Variants in TRIOBP observed in about 807,000 individuals in gnomAD.
TRIOBP encodes TRIO and F-actin binding protein.
TRIOBP carries 169 observed loss-of-function variants against 238.8 expected under a neutral mutation model. The ratio of observed to expected loss-of-function variants is 0.71; its 90% CI spans 0.62 to 0.80. The LOEUF is 0.80. Ranked by LOEUF, TRIOBP falls within the 30% of genes least tolerant of loss-of-function variation. The pLI, the probability that TRIOBP is intolerant of heterozygous loss-of-function variation, is 0.00. For missense variants in TRIOBP, 2,838 were observed against 3,122.6 expected (o/e 0.91, Z 2.17); for synonymous variants, 1,150 against 1,274.4 (o/e 0.90, Z 2.08).
chr22:37,705,858 G>GAGCCACCTCGCCCGGCCA (rs1162457193), intron 3 of TRIOBP, among the ~76,000 whole-genome samples: 3 of 152,136 alleles, frequency 2.0e-5, no homozygotes, highest in Non-Finnish European at 2.9e-5. Flanking sequence ...TTACAAGTGT[G>GAGCCACCTCGCCCGGCCA]AGCCACCTCG....
chr22:37,722,656 G>A (rs1923895619), intron 6 of TRIOBP, among the ~76,000 whole-genome samples: 1 of 152,180 alleles, frequency 6.6e-6, no homozygotes. Flanking sequence ...GAACCTGGGA[G>A]GCGGAGGTTG....
rs142929031 is a variant in TRIOBP at position 37,754,913 on chromosome 22, C to G, written c.5416C>G (p.Gln1806Glu). ...CTCGCTCACCACCACCTCTACTTCG[C>G]AGTGGAAGAAACATTGGTTTGTGCT... ...SPSLTTTSTS[Q>E]WKKHWFVLTD... The change falls in exon 13 of 24, where the codon CAG becomes GAG. Residue 1806 changes from glutamine to glutamate, a missense_variant. By Grantham distance (29) the Gln-to-Glu change is conservative (BLOSUM62 2). Transcript: ENST00000644935. 91 of 1,614,040 alleles carry G rather than the reference C, an allele frequency of 5.6e-5. No individual in the cohort carries two copies. The highest frequency in any genetic ancestry group is 7.5e-5 in the Non-Finnish European group (89 of 1,180,038).
rs1410066126 is a variant in TRIOBP at position 37,768,251 on chromosome 22, G to A, written c.6575+75G>A. The A allele has an allele frequency of 9.7e-6, 12 of 1,243,146 alleles. No individual in the cohort carries two copies. In the African/African-American group the frequency reaches 1.0e-4, roughly 11 times the overall value. 77.0% of individuals were successfully genotyped at this position (1,243,146 alleles called of 1,614,324 possible). A position where few individuals can be genotyped will look rare whatever the true frequency, so the allele number is the denominator to read the frequency against. On this transcript the variant is annotated intron_variant, in intron 19 of 23. Transcript: ENST00000644935. ...GGAACTTTGCTGAGGCCCCTTGGCAGCGGACACATCAGTTTGCCCCTAGCT... is the reference window on the plus strand; with the variant it reads ...GGAACTTTGCTGAGGCCCCTTGGCAACGGACACATCAGTTTGCCCCTAGCT...
At chr22:37,743,284 C>T (rs1925030944) in intron 11 of TRIOBP, among the ~76,000 whole-genome samples, 1 of 152,220 alleles carries the variant, frequency 6.6e-6, no homozygotes, top group Admixed American at 6.5e-5. Context: ...GCCAGAAAGC[C>T]TGGAGTCGAG....
At chr22:37,717,592 C>G (rs1341729990) in intron 6 of TRIOBP, among the ~76,000 whole-genome samples, 5 of 152,204 alleles carry the variant, frequency 3.3e-5, no homozygotes, top group Non-Finnish European at 7.3e-5. Flanking sequence ...AAGTCCCCAA[C>G]AGAGTAGCTA....
intron 14 of TRIOBP, 73 bp from the exon 15 acceptor site, chr22:37,755,477 C>T (rs1601657002): frequency 2.9e-6 from 4 of 1,392,992 alleles, no homozygotes; most frequent in African/African-American, 2.8e-5. Context: ...GGGCCACCCT[C>T]CCTGGGGTCC....
intron 5 of TRIOBP, among the ~76,000 whole-genome samples, chr22:37,714,564 G>A (rs1015659893): frequency 6.6e-6 from 1 of 152,078 alleles, no homozygotes; most frequent in African/African-American, 2.4e-5. Context: ...AGCTACTTGG[G>A]AGGCTGAGAC....
intron 17 of TRIOBP, among the ~76,000 whole-genome samples, chr22:37,761,368 C>G (rs555324016): frequency 1.3e-5 from 2 of 152,080 alleles, no homozygotes; most frequent in South Asian, 4.1e-4. Context: ...GCAGGAGAAT[C>G]GCTTGAACCC....
At chr22:37,731,839 C>T (rs1778967592) in intron 7 of TRIOBP, among the ~76,000 whole-genome samples, 1 of 152,244 alleles carries the variant, frequency 6.6e-6, no homozygotes, top group African/African-American at 2.4e-5. Context: ...ATCCGCCTGC[C>T]TCAGCCTCCC....
At chr22:37,749,814 G>T (rs1330759289) in intron 11 of TRIOBP, among the ~76,000 whole-genome samples, 2 of 150,598 alleles carry the variant, frequency 1.3e-5, no homozygotes, top group Non-Finnish European at 2.9e-5. Context: ...AATTAGCTGA[G>T]CATGGTGGAG....
chr22:37,763,531 C>T lies in TRIOBP; in HGVS notation c.6325-2139C>T, dbSNP rs560637223. Among the ~76,000 whole-genome samples, 49 of 152,216 alleles carry T rather than the reference C, an allele frequency of 3.2e-4. 1 individual carries two copies. The highest frequency in any genetic ancestry group is 1.2e-3 in the African/African-American group (48 of 41,516). ...GTGGCCTTTGCGTGGGGGAGACAGT[C>T]CCTCATCTGGTCCTCTGTGCCTTAG... On this transcript the variant is annotated intron_variant, in intron 17 of 23. Coordinates refer to ENST00000644935, the MANE Select transcript of TRIOBP (RefSeq NM_001039141.3).
chr22:37,726,532 G>A (rs1924176807), intron 7 of TRIOBP, 29 bp downstream of exon 7: 2 of 1,442,556 alleles, frequency 1.4e-6, no homozygotes, highest in Non-Finnish European at 1.8e-6. Context: ...TCAGCCAGGT[G>A]GGCTGGGGAG....
At chr22:37,722,804 G>A (rs550643649) in intron 6 of TRIOBP, among the ~76,000 whole-genome samples, 1 of 152,356 alleles carries the variant, frequency 6.6e-6, no homozygotes, top group East Asian at 1.9e-4. Context: ...AGGGAAGACT[G>A]TCAGGTGGCT....
In TRIOBP at chr22:37,765,657, G is replaced by T. The variant is rs1168524561; in HGVS notation, c.6325-13G>T. Reference sequence around the variant, plus strand: ...ACGGGGCAGCCTGTGACACCCTGGCGTCCGGCCCACAGGAGGCATGTGAGC... The same window carrying T: ...ACGGGGCAGCCTGTGACACCCTGGCTTCCGGCCCACAGGAGGCATGTGAGC... On this transcript the variant is annotated splice_polypyrimidine_tract_variant and intron_variant, in intron 17 of 23. Coordinates refer to ENST00000644935, the MANE Select transcript of TRIOBP (RefSeq NM_001039141.3). 4 of 1,549,260 alleles carry T rather than the reference G, an allele frequency of 2.6e-6. No homozygotes were observed. Among genetic ancestry groups the T allele is most frequent in the South Asian group, 1.2e-5 (1 of 83,986 alleles).
chr22:37,717,076 T>C (rs1003170221), intron 6 of TRIOBP, among the ~76,000 whole-genome samples: 5 of 152,174 alleles, frequency 3.3e-5, no homozygotes, highest in Non-Finnish European at 7.3e-5. Flanking sequence ...GTTTGTTCCT[T>C]CTGATGTTCG....
intron 6 of TRIOBP, among the ~76,000 whole-genome samples, chr22:37,722,396 C>G (rs946368434): frequency 8.2e-5 from 12 of 146,186 alleles, no homozygotes; most frequent in African/African-American, 2.3e-4. Flanking sequence ...TCATTGCACT[C>G]TAGCCTGGGT....
At position 37,717,249 on chromosome 22, in the gene TRIOBP, C is replaced by G. The variant is rs149916117; in HGVS notation, c.628+1315C>G. On this transcript the variant is annotated intron_variant, in intron 6 of 23. Transcript: ENST00000644935. ...GGTCTGGATGGCTTCAGGAGTGAAG[C>G]TGCAGACCTTCGTGGTGAGCGTTAC... Among the ~76,000 whole-genome samples the G allele has an allele frequency of 6.5e-3, 991 of 152,270 alleles. 15 individuals are homozygous for G. The highest frequency in any genetic ancestry group is 0.022 in the African/African-American group (902 of 41,536).
rs773466557 is a variant in TRIOBP at position 37,723,545 on chromosome 22, C to T, written c.989C>T (p.Pro330Leu). 7 of 1,613,458 alleles carry T rather than the reference C, an allele frequency of 4.3e-6. No individual in the cohort carries two copies. The African/African-American group carries it at 8.0e-5, about 19-fold the overall frequency. ...PRASSTQEDT[P>L]RASSTQWNTP... ...GCCTCATCCACCCAAGAGGACACCC[C>T]CAGGGCCTCATCTACACAGTGGAAC... Residue 330 changes from proline to leucine, a missense_variant, in exon 7 of 24, where the codon CCC becomes CTC. This residue lies in a region of TRIOBP where 535 missense variants were observed against 537.3 expected (regional missense o/e 1.00). Coordinates refer to ENST00000644935, the MANE Select transcript of TRIOBP (RefSeq NM_001039141.3).
rs376340052 is a variant in TRIOBP at position 37,755,132 on chromosome 22, G to T, written c.5519G>T (p.Arg1840Leu). ...ADELDGEIDL[R>L]SCTDVTEYAV... ...GAGCTGGATGGTGAGATCGACCTGC[G>T]TTCCTGCACGGATGTCACTGAGTAC... Residue 1840 changes from arginine (R) to leucine (L), a missense_variant, in exon 14 of 24, where the codon CGT (arginine) becomes CTT (leucine). Arg to Leu is a moderately radical substitution (Grantham distance 102, BLOSUM62 -2). This residue lies in a region of TRIOBP where 2,096 missense variants were observed against 2,137.4 expected (regional missense o/e 0.98). Transcript: ENST00000644935. The T allele has an allele frequency of 4.2e-5, 68 of 1,613,696 alleles. 2 individuals are homozygous for T. The South Asian group carries it at 7.0e-4, about 17-fold the overall frequency.
Sources: allele counts gnomAD v4.1 joint callset (sites outside exome capture counted in the v4.1 genomes callset), GRCh38; gene constraint gnomAD v4.1.1; regional missense constraint gnomAD v4.1.1; transcripts MANE v1.5; gene names NCBI Gene and HGNC (gene_info 2026-07-23, HGNC 2026-07-21).